RAPGEF1: variants seen among roughly 807,000 people sequenced by gnomAD.
RAPGEF1 encodes the protein Rap guanine nucleotide exchange factor 1.
Under a neutral mutation model 143.3 loss-of-function variants are expected in RAPGEF1, and 33 were observed. That is an observed-to-expected ratio of 0.23 (90% confidence interval 0.17 to 0.31). RAPGEF1 has a LOEUF of 0.31. Ranked by LOEUF, RAPGEF1 falls within the 10% of genes least tolerant of loss-of-function variation. RAPGEF1 has a pLI of 1.00. For synonymous variants in RAPGEF1, 629 were observed against 676.5 expected (o/e 0.93, Z 1.09); for missense variants, 1,199 against 1,645.4 (o/e 0.73, Z 4.69).
At chr9:131,698,010 C>T (rs934070197) in intron 1 of RAPGEF1, among the ~76,000 whole-genome samples, 10 of 152,130 alleles carry the variant, frequency 6.6e-5, no homozygotes, top group Admixed American at 4.6e-4. Context: ...GGAGAGTCAG[C>T]TGACCAAGGA....
chr9:131,660,279 A>G (rs1973673733), intron 1 of RAPGEF1, among the ~76,000 whole-genome samples: 1 of 152,238 alleles, frequency 6.6e-6, no homozygotes, highest in African/African-American at 2.4e-5. Context: ...ATTGTTCAGG[A>G]AGTCTACTGG....
rs200381879 is a variant in RAPGEF1 at position 131,588,860 on chromosome 9, C to T, written c.2994G>A (p.Lys998=). 6.2e-7 allele frequency: 1 copy of T among 1,613,932 alleles called. No homozygotes were observed. The highest frequency in any genetic ancestry group is 1.3e-5 in the African/African-American group (1 of 75,042). The change falls in exon 20 of 27, where the codon AAG becomes AAA. Residue 998 remains lysine (K), a synonymous_variant. Coordinates refer to ENST00000683357, the MANE Select transcript of RAPGEF1 (RefSeq NM_001377935.1). ...TGGAGGTGGCACACCTGAGTAGCTT[C>T]TTCTGGTCCACCTTGTCCAGGATGT... ...RKNILDKVDQ[K]KLLRCATSSQ...
intron 1 of RAPGEF1, among the ~76,000 whole-genome samples, chr9:131,668,919 G>A (rs758893396): frequency 6.6e-6 from 1 of 152,236 alleles, no homozygotes; most frequent in Non-Finnish European, 1.5e-5. Flanking sequence ...CCGTGGCTCA[G>A]AGGAACCTGC....
At chr9:131,676,707 G>A (rs757696457) in intron 1 of RAPGEF1, among the ~76,000 whole-genome samples, 2 of 152,230 alleles carry the variant, frequency 1.3e-5, no homozygotes, top group South Asian at 2.1e-4. Context: ...GTTAGGAAGT[G>A]AGAGGACAAA....
intron 10 of RAPGEF1, 46 bp from the exon 11 acceptor site, chr9:131,622,044 A>C (rs1564548021): frequency 6.4e-7 from 1 of 1,551,944 alleles, no homozygotes; most frequent in Non-Finnish European, 8.8e-7. Flanking sequence ...GGGAGGCCAC[A>C]TCAGGGAACC....
At chr9:131,599,920 C>T (rs1564490275) in intron 15 of RAPGEF1, among the ~76,000 whole-genome samples, 1 of 152,114 alleles carries the variant, frequency 6.6e-6, no homozygotes, top group Non-Finnish European at 1.5e-5. Flanking sequence ...GAGTTCGAGA[C>T]CAGCCTGGCC....
chr9:131,720,051 A>T (rs996303942), intron 1 of RAPGEF1, among the ~76,000 whole-genome samples: 1 of 152,006 alleles, frequency 6.6e-6, no homozygotes, highest in African/African-American at 2.4e-5. Flanking sequence ...ACACCCAGCT[A>T]ATTTTTGTAT....
Position 131,584,705 on chromosome 9 carries a change from C to A in RAPGEF1, c.3234-109G>T. The A allele has an allele frequency of 2.0e-6, 2 of 1,002,422 alleles. No individual in the cohort carries two copies. Among genetic ancestry groups the A allele is most frequent in the Non-Finnish European group, 1.5e-6 (1 of 646,230 alleles). 62.1% of individuals were successfully genotyped at this position (1,002,422 alleles called of 1,614,324 possible). Reference sequence around the variant, plus strand: ...CGACCCCCATGCCAGTGGCCACGAGCCCACCCCTACTGAATACCTGCAGCC... The same window carrying A: ...CGACCCCCATGCCAGTGGCCACGAGACCACCCCTACTGAATACCTGCAGCC... On this transcript the variant is annotated intron_variant, in intron 22 of 26. Coordinates refer to ENST00000683357, the MANE Select transcript of RAPGEF1 (RefSeq NM_001377935.1). The surrounding 1 kb of genome is among the most constrained non-coding windows in gnomAD (Gnocchi z 6.8).
chr9:131,697,986 T>TCCA (rs1484976263), intron 1 of RAPGEF1, among the ~76,000 whole-genome samples: 2 of 152,070 alleles, frequency 1.3e-5, no homozygotes, highest in Non-Finnish European at 2.9e-5. Flanking sequence ...GGAACATGTG[T>TCCA]GACTATCTGG....
At chr9:131,630,988 G>GC (rs1964684073) in intron 5 of RAPGEF1, among the ~76,000 whole-genome samples, 1 of 151,322 alleles carries the variant, frequency 6.6e-6, no homozygotes, top group African/African-American at 2.4e-5. Context: ...CCAGTTTGAT[G>GC]AGTTTTGACA....
intron 15 of RAPGEF1, among the ~76,000 whole-genome samples, chr9:131,599,952 T>G (rs1279729418): frequency 2.0e-5 from 3 of 152,076 alleles, no homozygotes; most frequent in Non-Finnish European, 4.4e-5. Flanking sequence ...ACCCTGTCTC[T>G]ACTAAAAATA....
At chr9:131,647,245 G>T (rs571991060) in intron 3 of RAPGEF1, among the ~76,000 whole-genome samples, 1 of 152,220 alleles carries the variant, frequency 6.6e-6, no homozygotes. Flanking sequence ...AGTCTGGGAA[G>T]ACAACAGAAT....
intron 1 of RAPGEF1, among the ~76,000 whole-genome samples, chr9:131,718,225 A>G (rs942782572): frequency 3.9e-5 from 6 of 152,222 alleles, no homozygotes; most frequent in African/African-American, 1.2e-4. Context: ...AACACCTGGA[A>G]GAAGAGCACA....
chr9:131,737,315 T>C (rs1424987524), intron 1 of RAPGEF1: 1 of 1,598,042 alleles, frequency 6.3e-7, no homozygotes, highest in Non-Finnish European at 8.6e-7. Flanking sequence ...CCACCAGGTA[T>C]ATATCTCAGC....
chr9:131,723,331 T>C (rs1246995788), intron 1 of RAPGEF1, among the ~76,000 whole-genome samples: 1 of 152,248 alleles, frequency 6.6e-6, no homozygotes, highest in Non-Finnish European at 1.5e-5. Context: ...TTACCACTTA[T>C]TACCACTTCA....
intron 1 of RAPGEF1, among the ~76,000 whole-genome samples, chr9:131,692,560 GACGTTATAATC>G (rs954082049): frequency 1.3e-5 from 2 of 152,164 alleles, no homozygotes; most frequent in African/African-American, 4.8e-5. Flanking sequence ...CCAAACACCG[GACGTTATAATC>G]ACAGGCAGTC....
At chr9:131,658,356 G>A (rs1973094187) in intron 1 of RAPGEF1, among the ~76,000 whole-genome samples, 1 of 152,092 alleles carries the variant, frequency 6.6e-6, no homozygotes, top group South Asian at 2.1e-4. Context: ...TCCTTCACCT[G>A]GAAATGCCAT....
rs187315781 is a variant in RAPGEF1 at position 131,580,126 on chromosome 9, G to A, written c.3641+137C>T. The A allele has an allele frequency of 3.3e-5, 40 of 1,202,424 alleles. No homozygotes were observed. The East Asian group carries it at 9.5e-4, about 29-fold the overall frequency. 74.5% of individuals were successfully genotyped at this position (1,202,424 alleles called of 1,614,324 possible). A position where few individuals can be genotyped will look rare whatever the true frequency, so the allele number is the denominator to read the frequency against. ...AAGTCATCCTGGCAGAAACTGAAGG[G>A]CCCGGACTATATCTCAGCAGTGGCA... On this transcript the variant is annotated intron_variant, in intron 26 of 26. Coordinates refer to ENST00000683357, the MANE Select transcript of RAPGEF1 (RefSeq NM_001377935.1).
chr9:131,652,750 TAC>T (rs1267524260), intron 1 of RAPGEF1, among the ~76,000 whole-genome samples: 2 of 152,222 alleles, frequency 1.3e-5, no homozygotes, highest in Non-Finnish European at 2.9e-5. Context: ...GAGGCTGTTT[TAC>T]AGTTAACTTT....
Sources: gnomAD v4.1 joint callset for allele counts (sites outside exome capture counted in the v4.1 genomes callset) on GRCh38, gnomAD v4.1.1 for gene constraint, Gnocchi (gnomAD v3.1) non-coding constraint, MANE v1.5 for transcripts, NCBI Gene and HGNC (gene_info 2026-07-23, HGNC 2026-07-21) for gene names.